Variants in PDE6A observed in about 807,000 individuals in gnomAD.
The protein encoded by PDE6A is phosphodiesterase 6A.
In PDE6A, 84 loss-of-function variants were observed where a neutral mutation model predicts 106.3. That is an observed-to-expected ratio of 0.79 (90% CI 0.66 to 0.95). PDE6A has a LOEUF of 0.95. PDE6A is among the 40% of genes least tolerant of loss of function. The pLI is 0.00. For missense variants in PDE6A, 1,052 were observed against 1,084.9 expected (o/e 0.97, Z 0.43); for synonymous variants, 394 against 386.6 (o/e 1.02, Z -0.23).
In PDE6A at chr5:149,903,993, T is replaced by C. The variant is rs1229809070; in HGVS notation, c.1066-298A>G. Among the ~76,000 whole-genome samples, 9 of 152,386 alleles carry C rather than the reference T, an allele frequency of 5.9e-5. No individual in the cohort carries two copies. In the South Asian group the frequency reaches 1.2e-3, roughly 21 times the overall value. Reference sequence around the variant, plus strand: ...AGCTGGAGGGTATCCCATTTTGTTGTTCCCCTTTTCTTGCTTATTTGGGTT... The same window carrying C: ...AGCTGGAGGGTATCCCATTTTGTTGCTCCCCTTTTCTTGCTTATTTGGGTT... On this transcript the variant is annotated intron_variant, in intron 7 of 21. Coordinates refer to ENST00000255266, the MANE Select transcript of PDE6A (RefSeq NM_000440.3).
At chr5:149,912,441 G>A (rs1411568618) in intron 6 of PDE6A, among the ~76,000 whole-genome samples, 1 of 152,234 alleles carries the variant, frequency 6.6e-6, no homozygotes, top group South Asian at 2.1e-4. Context: ...CACAAGGTCA[G>A]ACTGCGTTTC....
chr5:149,876,913 TGATAGATAGATA>T (rs201047279), intron 17 of PDE6A, among the ~76,000 whole-genome samples: 5 of 151,392 alleles, frequency 3.3e-5, no homozygotes, highest in African/African-American at 4.9e-5. Context: ...TGATGAGAGA[TGATAGATAGATA>T]GATAGATACA....
intron 9 of PDE6A, 46 bp from the exon 10 acceptor site, chr5:149,898,552 T>C: frequency 6.3e-7 from 1 of 1,587,182 alleles, no homozygotes; most frequent in Non-Finnish European, 8.6e-7. Flanking sequence ...CACCTAAGTT[T>C]AATCTTGACT....
At chr5:149,868,963 T>TA (rs892397502) in intron 17 of PDE6A, among the ~76,000 whole-genome samples, 2 of 151,268 alleles carry the variant, frequency 1.3e-5, no homozygotes, top group African/African-American at 4.9e-5. Context: ...ATTTAAAAGG[T>TA]AAAAAAAAGA....
At chr5:149,872,041 G>C (rs1333247248) in intron 17 of PDE6A, among the ~76,000 whole-genome samples, 1 of 152,156 alleles carries the variant, frequency 6.6e-6, no homozygotes, top group African/African-American at 2.4e-5. Context: ...AATATTGTAT[G>C]CTCAGAAATG....
chr5:149,908,045 A>G (rs1363796513), intron 6 of PDE6A, among the ~76,000 whole-genome samples: 1 of 152,172 alleles, frequency 6.6e-6, no homozygotes, highest in Non-Finnish European at 1.5e-5. Flanking sequence ...GCTTTTTTGT[A>G]GAGTTTTAGC....
intron 17 of PDE6A, among the ~76,000 whole-genome samples, chr5:149,872,787 C>T (rs1377384529): frequency 6.6e-6 from 1 of 152,194 alleles, no homozygotes. Flanking sequence ...CAAATGCCTG[C>T]GTGATGCCAG....
chr5:149,871,765 T>A (rs568977896), intron 17 of PDE6A, among the ~76,000 whole-genome samples: 1 of 152,240 alleles, frequency 6.6e-6, no homozygotes, highest in African/African-American at 2.4e-5. Flanking sequence ...CACATTTGTA[T>A]TTCACAGAAA....
chr5:149,937,840 T>TA (rs1291388745), intron 1 of PDE6A, among the ~76,000 whole-genome samples: 1 of 152,190 alleles, frequency 6.6e-6, no homozygotes, highest in Non-Finnish European at 1.5e-5. Context: ...TGACATATAT[T>TA]ATCTCATTAA....
At chr5:149,882,887 G>A (rs1267263840) in intron 17 of PDE6A, among the ~76,000 whole-genome samples, 1 of 152,108 alleles carries the variant, frequency 6.6e-6, no homozygotes, top group Non-Finnish European at 1.5e-5. Context: ...GCAAAACCCG[G>A]TCTCGACTAA....
intron 4 of PDE6A, among the ~76,000 whole-genome samples, chr5:149,923,268 C>T (rs1030522236): frequency 4.6e-5 from 7 of 152,038 alleles, no homozygotes; most frequent in South Asian, 4.2e-4. Flanking sequence ...GAGGCTGAGG[C>T]GGATGGATCA....
intron 5 of PDE6A, among the ~76,000 whole-genome samples, chr5:149,915,796 T>C (rs1208167428): frequency 6.6e-6 from 1 of 152,190 alleles, no homozygotes; most frequent in Non-Finnish European, 1.5e-5. Context: ...TTTGCATGCC[T>C]GGCTGCTTAC....
rs1434957605 is a variant in PDE6A, at chr5:149,896,756, C to T, written c.1428G>A (p.Gly476=). 1 of 1,614,162 alleles carries T rather than the reference C, an allele frequency of 6.2e-7. No homozygotes were observed. The highest frequency in any genetic ancestry group is 1.7e-5 in the Admixed American group (1 of 60,022). The change falls in exon 11 of 22, where the codon GGG becomes GGA. Residue 476 remains glycine, a synonymous_variant. Coordinates refer to ENST00000255266, the MANE Select transcript of PDE6A (RefSeq NM_000440.3). ...CTTCCTCACACTCCCATGGCTCCTT[C>T]CCATACACCTCTCTGGTTTTCTGCC... ...QKILKTREVY[G]KEPWECEEEE...
intron 10 of PDE6A, 121 bp from the exon 11 acceptor site, chr5:149,896,897 T>G: frequency 9.2e-7 from 1 of 1,084,694 alleles, no homozygotes; most frequent in East Asian, 2.4e-5. Flanking sequence ...CAAAGAGGAT[T>G]CCATTTAACA....
chr5:149,929,564 G>A (rs573155308), intron 4 of PDE6A, among the ~76,000 whole-genome samples: 2 of 151,794 alleles, frequency 1.3e-5, no homozygotes, highest in African/African-American at 2.4e-5. Flanking sequence ...CCGAGATTGC[G>A]CCACTGCACT....
At chr5:149,916,358 A>G (rs188169512) in intron 5 of PDE6A, among the ~76,000 whole-genome samples, 2 of 152,316 alleles carry the variant, frequency 1.3e-5, no homozygotes, top group African/African-American at 2.4e-5. Context: ...AGTGGTCAGG[A>G]GGTTCCCATC....
chr5:149,869,678 G>C (rs1471860692), intron 17 of PDE6A, among the ~76,000 whole-genome samples: 2 of 152,230 alleles, frequency 1.3e-5, no homozygotes, highest in African/African-American at 4.8e-5. Flanking sequence ...CCTCTTCAGA[G>C]CTGTGCTGCA....
At chr5:149,870,140 T>G (rs1300164507) in intron 17 of PDE6A, among the ~76,000 whole-genome samples, 1 of 151,990 alleles carries the variant, frequency 6.6e-6, no homozygotes, top group East Asian at 1.9e-4. Flanking sequence ...AATACACAGA[T>G]TAGCCAGGCG....
intron 5 of PDE6A, 24 bp from the exon 6 acceptor site, chr5:149,915,031 A>AATTT: frequency 8.7e-7 from 1 of 1,155,124 alleles, no homozygotes; most frequent in Non-Finnish European, 1.2e-6. Context: ...GAAAAATTAT[A>AATTT]CTTTTTTTTT....
Sources: gnomAD v4.1 joint callset for allele counts (sites outside exome capture counted in the v4.1 genomes callset) on GRCh38, gnomAD v4.1.1 for gene constraint, MANE v1.5 for transcripts, NCBI Gene and HGNC (gene_info 2026-07-23, HGNC 2026-07-21) for gene names.